Variants in PLCH2 observed in about 807,000 individuals in gnomAD.
The protein encoded by PLCH2 is phospholipase C eta 2.
A neutral mutation model predicts 134.7 loss-of-function variants in PLCH2; 98 were observed. The observed-to-expected ratio is 0.73, with a 90% CI of 0.62 to 0.86. PLCH2 has a LOEUF of 0.86. Among genes scored for constraint, PLCH2 ranks in the 40% least tolerant of loss-of-function variants. The probability of loss-of-function intolerance (pLI) is 0.00; values close to 1 mark genes in which losing one functional copy is unlikely to be tolerated. For missense variants in PLCH2, 1,994 were observed against 1,986.6 expected (o/e 1.00, Z -0.07); for synonymous variants, 974 against 827.5 (o/e 1.18, Z -3.04).
intron 2 of PLCH2, among the ~76,000 whole-genome samples, chr1:2,442,191 C>T (rs1190671929): frequency 6.6e-6 from 1 of 152,148 alleles, no homozygotes; most frequent in Non-Finnish European, 1.5e-5. Flanking sequence ...CAGAAACCTC[C>T]TGGGCTTCAG....
intron 1 of PLCH2, among the ~76,000 whole-genome samples, chr1:2,428,822 T>C (rs1461871940): frequency 6.6e-6 from 1 of 152,214 alleles, no homozygotes; most frequent in Non-Finnish European, 1.5e-5. Context: ...GGAGACCCCA[T>C]GCCTGGGGGT....
chr1:2,451,116 G>A (rs1424172949), intron 2 of PLCH2, among the ~76,000 whole-genome samples: 1 of 152,072 alleles, frequency 6.6e-6, no homozygotes, highest in Non-Finnish European at 1.5e-5. Context: ...TTTGGGGCAG[G>A]GCCTGGGGTC....
In PLCH2 at chr1:2,494,859, A is replaced by G. The variant is rs1453629966; in HGVS notation, c.1663A>G (p.Lys555Glu). Residue 555 changes from lysine (K) to glutamate (E), a missense_variant, in exon 12 of 22, where the codon AAG becomes GAG. Around this residue, in one of 2 missense-constraint regions of PLCH2, gnomAD observed 1,094 missense variants for 1,234.3 expected, o/e 0.89. Transcript: ENST00000378486. ...CCTGTCTCTCCCCTGGACTCAGAGC[A>G]AGGCTGAAGAGGACGTGGAGTCTGG... ...SPSGKLGRKS[K>E]AEEDVESGED... 6.2e-7 allele frequency: 1 copy of G among 1,603,702 alleles called. No individual in the cohort carries two copies. The highest frequency in any genetic ancestry group is 1.1e-5 in the South Asian group (1 of 89,188).
In PLCH2 at chr1:2,489,665, C is replaced by T. The variant is rs1570445705; in HGVS notation, c.1408-95C>T. The T allele has an allele frequency of 5.0e-6, 5 of 992,966 alleles. No individual in the cohort carries two copies. The South Asian group carries it at 5.6e-5, about 11-fold the overall frequency. 61.5% of individuals were successfully genotyped at this position (992,966 alleles called of 1,614,324 possible). On this transcript the variant is annotated intron_variant, in intron 9 of 21. Coordinates refer to ENST00000378486, the MANE Select transcript of PLCH2 (RefSeq NM_014638.4). ...TGCCAAAACTGAGCTTGAGAAAAGG[C>T]CCCTCTCCTTGGCCGGCGGCTCTTT...
Position 2,489,205 on chromosome 1 carries a change from A to G in PLCH2, c.1236-2A>G. On this transcript the variant is annotated splice_acceptor_variant, in intron 8 of 21. Coordinates refer to ENST00000378486, the MANE Select transcript of PLCH2 (RefSeq NM_014638.4). LOFTEE classifies it high-confidence loss of function. ...CCTGCTCTTTCTGCCTTGGGGCCAC[A>G]GGTACCCAGTGATCCTGTCCATCGA... is the stretch of plus-strand genomic sequence containing the variant. 1.2e-6 allele frequency: 2 copies of G among 1,613,252 alleles called. No individual in the cohort carries two copies. Among genetic ancestry groups the G allele is most frequent in the Non-Finnish European group, 1.7e-6 (2 of 1,179,490 alleles).
chr1:2,420,268 G>C, the PLCH2 span, among the ~76,000 whole-genome samples: 1 of 152,128 alleles, frequency 6.6e-6, no homozygotes, highest in Non-Finnish European at 1.5e-5. Flanking sequence ...CCTACCTCTT[G>C]TCCTTCCTCC....
chr1:2,500,928 C>A (rs757268063), intron 20 of PLCH2: 1 of 149,412 alleles, frequency 6.7e-6, no homozygotes, highest in Non-Finnish European at 1.5e-5. Context: ...CCTCCTATCC[C>A]CCTCCTTCTC....
At chr1:2,496,235 C>A (rs539607628) in intron 13 of PLCH2, among the ~76,000 whole-genome samples, 2 of 152,308 alleles carry the variant, frequency 1.3e-5, no homozygotes, top group South Asian at 2.1e-4. Context: ...CCGGCCGACA[C>A]GGAGGCCCCC....
rs1306259280 is a variant in PLCH2, at chr1:2,489,965, TC to T, written c.1515+100del. On this transcript the variant is annotated intron_variant, in intron 10 of 21. Transcript: ENST00000378486. Reference sequence around the variant, plus strand: ...TTGGGGCGAGTTAGAAAGGGAGGCATCCGGGAGAGAGGGACATTGGGGCAGA... The same window carrying T: ...TTGGGGCGAGTTAGAAAGGGAGGCATCGGGAGAGAGGGACATTGGGGCAGA... The T allele has an allele frequency of 3.3e-6, 3 of 917,388 alleles. No homozygotes were observed. The African/African-American group carries it at 4.9e-5, about 15-fold the overall frequency. The allele number at this position is 917,388 out of a possible 1,614,324, so 56.8% of individuals were successfully genotyped here.
rs1454098210 is a variant in PLCH2 at position 2,448,185 on chromosome 1, T to C, written c.115+17556T>C. ...CCCGGGTGTCTGGAGCACCACGACA[T>C]GGAGGGGTGTGTTTCCTGCAGCTGC... On this transcript the variant is annotated intron_variant, in intron 2 of 3. Coordinates refer to the PLCH2 transcript ENST00000609981. The surrounding 1 kb of genome is among the most constrained non-coding windows in gnomAD (Gnocchi z 4.0). 1.3e-5 allele frequency among the ~76,000 whole-genome samples: 2 copies of C among 152,190 alleles called. No individual in the cohort carries two copies. The highest frequency in any genetic ancestry group is 2.1e-4 in the South Asian group (1 of 4,828).
chr1:2,488,436 C>T (rs555398737), intron 8 of PLCH2, among the ~76,000 whole-genome samples: 1 of 152,230 alleles, frequency 6.6e-6, no homozygotes, highest in Non-Finnish European at 1.5e-5. Flanking sequence ...TGTTCTCCTG[C>T]AGGCCCTGGG....
intron 2 of PLCH2, among the ~76,000 whole-genome samples, chr1:2,438,857 CA>C (rs1295118574): frequency 1.3e-5 from 2 of 152,222 alleles, no homozygotes; most frequent in South Asian, 2.1e-4. Flanking sequence ...TAGGGTCCTT[CA>C]GGGGGCGCAG....
chr1:2,498,547 A>T lies in PLCH2; in HGVS notation c.2249A>T (p.Asp750Val). The T allele has an allele frequency of 6.2e-7, 1 of 1,607,056 alleles. No homozygotes were observed. Among genetic ancestry groups the T allele is most frequent in the Non-Finnish European group, 8.5e-7 (1 of 1,178,662 alleles). The change falls in exon 17 of 22, where the codon GAC becomes GTC. Residue 750 changes from aspartate (D) to valine (V), a missense_variant. By Grantham distance (152) the Asp-to-Val change is radical. Transcript: ENST00000378486. This position sits in a 1 kb window ranked among gnomAD's most constrained non-coding sequence, Gnocchi z 5.4. ...GGCGTGTTCAACCCCAACTCGGAGGACCCCCTGCCCGGGCAGCTCAAGAAG... is the reference window on the plus strand; with the variant it reads ...GGCGTGTTCAACCCCAACTCGGAGGTCCCCCTGCCCGGGCAGCTCAAGAAG... ...CQGVFNPNSE[D>V]PLPGQLKKQL...
rs758665322 is a variant in PLCH2 at position 2,487,010 on chromosome 1, G to A, written c.910+10G>A. 118 of 1,584,198 alleles carry A rather than the reference G, an allele frequency of 7.4e-5. No homozygotes were observed. The highest frequency in any genetic ancestry group is 9.8e-5 in the Non-Finnish European group (114 of 1,165,602). Reference sequence around the variant, plus strand: ...CTGCTGGGCATTGATGGTGAGTGGGGCGCTGCCCTCAGCCCAGCTGTCCTG... The same window carrying A: ...CTGCTGGGCATTGATGGTGAGTGGGACGCTGCCCTCAGCCCAGCTGTCCTG... On this transcript the variant is annotated intron_variant, in intron 6 of 21. Coordinates refer to ENST00000378486, the MANE Select transcript of PLCH2 (RefSeq NM_014638.4).
upstream of PLCH2, among the ~76,000 whole-genome samples, chr1:2,464,034 G>T (rs764957104): frequency 3.3e-5 from 5 of 152,252 alleles, no homozygotes; most frequent in African/African-American, 9.6e-5. Flanking sequence ...GGCAGCCCCA[G>T]AGGACATGGT....
At chr1:2,495,364 G>A (rs972650732) in intron 12 of PLCH2, 124 bp from the exon 13 acceptor site, 6 of 747,752 alleles carry the variant, frequency 8.0e-6, no homozygotes, top group Non-Finnish European at 1.3e-5. Context: ...AGGCGGGATG[G>A]ACATGGGAGG....
Position 2,499,706 on chromosome 1 carries a change from G to A in PLCH2, c.2647G>A (p.Asp883Asn), listed in dbSNP as rs1643109768. ...CATCTTCGTGCATGTGGCTGTCAGT[G>A]ACATCAGCGGTAAGGTGAGTGTCAC... The part of the protein sequence containing the change: ...ASIFVHVAVS[D>N]ISGKVKQALG... The change falls in exon 20 of 22, where the codon GAC (aspartate) becomes AAC (asparagine). Residue 883 changes from aspartate (D) to asparagine (N), a missense_variant. Transcript: ENST00000378486. 3 of 1,588,390 alleles carry A rather than the reference G, an allele frequency of 1.9e-6. No homozygotes were observed. The highest frequency in any genetic ancestry group is 2.6e-6 in the Non-Finnish European group (3 of 1,168,058).
Position 2,498,681 on chromosome 1 carries a change from G to A in PLCH2, c.2349+34G>A. The A allele has an allele frequency of 1.3e-6, 2 of 1,515,964 alleles. No individual in the cohort carries two copies. Among genetic ancestry groups the A allele is most frequent in the Admixed American group, 3.8e-5 (2 of 52,290 alleles). 93.9% of individuals were successfully genotyped at this position (1,515,964 alleles called of 1,614,324 possible). A position where few individuals can be genotyped will look rare whatever the true frequency, so the allele number is the denominator to read the frequency against. On this transcript the variant is annotated intron_variant, in intron 17 of 21. Coordinates refer to ENST00000378486, the MANE Select transcript of PLCH2 (RefSeq NM_014638.4). This position sits in a 1 kb window ranked among gnomAD's most constrained non-coding sequence, Gnocchi z 5.4. Reference sequence around the variant, plus strand: ...CAGCCCCACACAGGCGGGAGGGGTGGGAGTTGGGGGCGGGCCGGGCATCGC... The same window carrying A: ...CAGCCCCACACAGGCGGGAGGGGTGAGAGTTGGGGGCGGGCCGGGCATCGC...
chr1:2,489,844 G>A lies in PLCH2; in HGVS notation c.1492G>A (p.Asp498Asn). The change falls in exon 10 of 22, where the codon GAC (aspartate) becomes AAC (asparagine). Residue 498 changes from aspartate (D) to asparagine (N), a missense_variant. Asp to Asn is a conservative substitution (Grantham distance 23). Around this residue, in one of 2 missense-constraint regions of PLCH2, gnomAD observed 1,094 missense variants for 1,234.3 expected, o/e 0.89. Coordinates refer to ENST00000378486, the MANE Select transcript of PLCH2 (RefSeq NM_014638.4). The part of the protein sequence containing the change: ...DEDSADEIDD[D>N]CKLLNGDAST... Reference sequence around the variant, plus strand: ...GGACAGTGCTGATGAGATTGACGATGACTGCAAGCTCCTCAATGGGGATGT... The same window carrying A: ...GGACAGTGCTGATGAGATTGACGATAACTGCAAGCTCCTCAATGGGGATGT... The A allele has an allele frequency of 1.9e-6, 3 of 1,612,740 alleles. No individual in the cohort carries two copies. Among genetic ancestry groups the A allele is most frequent in the Non-Finnish European group, 2.5e-6 (3 of 1,178,914 alleles).
Sources: gnomAD v4.1 joint callset for allele counts (sites outside exome capture counted in the v4.1 genomes callset) on GRCh38, gnomAD v4.1.1 for gene constraint, gnomAD v4.1.1 regional missense constraint, Gnocchi (gnomAD v3.1) non-coding constraint, MANE v1.5 for transcripts, NCBI Gene and HGNC (gene_info 2026-07-23, HGNC 2026-07-21) for gene names.